ATP2A1: variants seen among roughly 807,000 people sequenced by gnomAD.
The protein encoded by ATP2A1 is sarcoplasmic/endoplasmic reticulum calcium ATPase 1.
In ATP2A1, 83 loss-of-function variants were observed where a neutral mutation model predicts 109.5. That is an observed-to-expected ratio of 0.76 (90% CI 0.63 to 0.91). The LOEUF is 0.91. Ranked by LOEUF, ATP2A1 falls within the 40% of genes least tolerant of loss-of-function variation. ATP2A1 has a pLI of 0.00. For synonymous variants in ATP2A1, 505 were observed against 537.6 expected (o/e 0.94, Z 0.84); for missense variants, 1,101 against 1,341.0 (o/e 0.82, Z 2.80).
Position 28,903,928 on chromosome 16 carries a change from C to A in ATP2A1, c.*37+187C>A. The A allele has an allele frequency of 1.3e-6, 1 of 751,510 alleles. No individual in the cohort carries two copies. The highest frequency in any genetic ancestry group is 2.5e-5 in the East Asian group (1 of 40,720). The allele number at this position is 751,510 out of a possible 1,614,324, so 46.6% of individuals were successfully genotyped here. A position where few individuals can be genotyped will look rare whatever the true frequency, so the allele number is the denominator to read the frequency against. On this transcript the variant is annotated intron_variant, in intron 22 of 22. Transcript: ENST00000395503. This position sits in a 1 kb window ranked among gnomAD's most constrained non-coding sequence, Gnocchi z 5.6. ...TCCCACTGGGCGTCAGTTTGGCTCC[C>A]AGGCCCTGGGCAGTGCCAGCCTCTG...
chr16:28,894,481 T>C, intron 10 of ATP2A1, 24 bp from the exon 11 acceptor site: 1 of 1,608,602 alleles, frequency 6.2e-7, no homozygotes, highest in Non-Finnish European at 8.5e-7. Flanking sequence ...TCTCTGTCCC[T>C]TCCTCCCCTG....
intron 9 of ATP2A1, among the ~76,000 whole-genome samples, chr16:28,890,292 C>CAAA (rs767608802): frequency 8.1e-5 from 6 of 74,362 alleles, no homozygotes; most frequent in South Asian, 4.2e-4. Context: ...CCGTCTCTAC[C>CAAA]AAAAAAAAAA....
Position 28,880,876 on chromosome 16 carries a change from G to T in ATP2A1, c.220-39G>T. On this transcript the variant is annotated intron_variant, in intron 3 of 22. Transcript: ENST00000395503. The surrounding 1 kb of genome is among the most constrained non-coding windows in gnomAD (Gnocchi z 4.2). ...ACTTCCTTTCTCCATCTGTTTTGGG[G>T]CCTCATTACCTGTCATTCTCCTTTC... 1.3e-6 allele frequency: 2 copies of T among 1,566,294 alleles called. No individual in the cohort carries two copies. Among genetic ancestry groups the T allele is most frequent in the Non-Finnish European group, 1.8e-6 (2 of 1,136,530 alleles).
In ATP2A1 at chr16:28,890,412, G is replaced by A. The variant is rs527649976; in HGVS notation, c.1095+1459G>A. Among the ~76,000 whole-genome samples the A allele has an allele frequency of 2.0e-5, 3 of 152,072 alleles. No individual in the cohort carries two copies. The East Asian group carries it at 5.8e-4, about 29-fold the overall frequency. On this transcript the variant is annotated intron_variant, in intron 9 of 22. Coordinates refer to ENST00000395503, the MANE Select transcript of ATP2A1 (RefSeq NM_004320.6). The stretch of plus-strand genomic sequence containing the variant: ...ACCCAGAGATTGCTTGAGCCAGGAA[G>A]TCAAAGCTACAGTGAGCTGTGATCA...
In ATP2A1 at chr16:28,887,630, T is replaced by C. The variant is rs1478194916; in HGVS notation, c.836T>C (p.Phe279Ser). ...GTCTGGCTTATCAACATTGGCCACT[T>C]CAACGACCCCGTCCATGGGGGCTCC... Reference protein sequence around the residue: ...VAVWLINIGHFNDPVHGGSWF... With the variant: ...VAVWLINIGHSNDPVHGGSWF... Residue 279 changes from phenylalanine to serine, a missense_variant, in exon 8 of 23, where the codon TTC becomes TCC. By Grantham distance (155) the Phe-to-Ser change is radical (BLOSUM62 -2). Coordinates refer to ENST00000395503, the MANE Select transcript of ATP2A1 (RefSeq NM_004320.6). 1 of 1,614,020 alleles carries C rather than the reference T, an allele frequency of 6.2e-7. No individual in the cohort carries two copies. Among genetic ancestry groups the C allele is most frequent in the Non-Finnish European group, 8.5e-7 (1 of 1,180,032 alleles).
At position 28,903,913 on chromosome 16, in the gene ATP2A1, C is replaced by A; in HGVS notation, c.*37+172C>A. ...GGTGGGCCGCTGGCCTCCCACTGGG[C>A]GTCAGTTTGGCTCCCAGGCCCTGGG... On this transcript the variant is annotated intron_variant, in intron 22 of 22. Coordinates refer to ENST00000395503, the MANE Select transcript of ATP2A1 (RefSeq NM_004320.6). This position sits in a 1 kb window ranked among gnomAD's most constrained non-coding sequence, Gnocchi z 5.6. The A allele has an allele frequency of 1.3e-6, 1 of 773,038 alleles. No individual in the cohort carries two copies. The highest frequency in any genetic ancestry group is 1.9e-5 in the Admixed American group (1 of 52,480). 47.9% of individuals were successfully genotyped at this position (773,038 alleles called of 1,614,324 possible). A position where few individuals can be genotyped will look rare whatever the true frequency, so the allele number is the denominator to read the frequency against.
In ATP2A1 at chr16:28,900,660, G is replaced by A. The variant is rs758544349; in HGVS notation, c.1844G>A (p.Arg615His). Reference sequence around the variant, plus strand: ...GTCACGGGCTCCATCCAGCTGTGCCGTGACGCCGGGATCCGGGTGATCATG... The same window carrying A: ...GTCACGGGCTCCATCCAGCTGTGCCATGACGCCGGGATCCGGGTGATCATG... The part of the protein sequence containing the change: ...KEVTGSIQLC[R>H]DAGIRVIMIT... The change falls in exon 15 of 23, where the codon CGT becomes CAT. Residue 615 changes from arginine (R) to histidine (H), a missense_variant. By Grantham distance (29) the Arg-to-His change is conservative (BLOSUM62 0). Transcript: ENST00000395503. 9 of 1,609,568 alleles carry A rather than the reference G, an allele frequency of 5.6e-6. No homozygotes were observed. The highest frequency in any genetic ancestry group is 3.3e-5 in the South Asian group (3 of 90,822).
Position 28,890,426 on chromosome 16 carries a change from G to A in ATP2A1, c.1095+1473G>A, listed in dbSNP as rs933115027. Among the ~76,000 whole-genome samples, 4 of 151,976 alleles carry A rather than the reference G, an allele frequency of 2.6e-5. No homozygotes were observed. The East Asian group carries it at 7.8e-4, about 29-fold the overall frequency. ...TGAGCCAGGAAGTCAAAGCTACAGT[G>A]AGCTGTGATCACACCACTGCACTCC... is the stretch of plus-strand genomic sequence containing the variant. On this transcript the variant is annotated intron_variant, in intron 9 of 22. Transcript: ENST00000395503.
intron 15 of ATP2A1, among the ~76,000 whole-genome samples, chr16:28,901,315 T>A (rs1596685902): frequency 2.4e-5 from 3 of 124,442 alleles, no homozygotes; most frequent in African/African-American, 9.5e-5. Context: ...GGCAATAGAG[T>A]GAGACCCTGT....
chr16:28,900,115 C>T (rs1964029734), intron 14 of ATP2A1, among the ~76,000 whole-genome samples: 1 of 151,384 alleles, frequency 6.6e-6, no homozygotes, highest in African/African-American at 2.4e-5. Context: ...GGCAACATAG[C>T]AAGATCCTTT....
chr16:28,885,603 A>C (rs988777766), intron 6 of ATP2A1, among the ~76,000 whole-genome samples: 7 of 151,748 alleles, frequency 4.6e-5, no homozygotes, highest in Non-Finnish European at 1.0e-4. Context: ...CAGCCTCCCA[A>C]AGTGCTGGGA....
In ATP2A1 at chr16:28,903,783, T is replaced by A; in HGVS notation, c.*37+42T>A. On this transcript the variant is annotated intron_variant, in intron 22 of 22. Transcript: ENST00000395503. This position sits in a 1 kb window ranked among gnomAD's most constrained non-coding sequence, Gnocchi z 5.6. ...GCCCTCAGCCCAGCTGCTGTGCCCC[T>A]GCCACCCGCGCCCCCTCAGCCCCTT... is the stretch of plus-strand genomic sequence containing the variant. The A allele has an allele frequency of 6.3e-7, 1 of 1,577,032 alleles. No homozygotes were observed.
In ATP2A1 at chr16:28,902,629, C is replaced by T. The variant is rs368234110; in HGVS notation, c.2574C>T (p.Tyr858=). 86 of 1,613,946 alleles carry T rather than the reference C, an allele frequency of 5.3e-5. No individual in the cohort carries two copies. Among genetic ancestry groups the T allele is most frequent in the East Asian group, 6.7e-5 (3 of 44,876 alleles). ...TVGAAAWWFL[Y]AEDGPHVNYS... is the part of the protein sequence containing the mutation. ...GAGCAGCTGCCTGGTGGTTCCTGTA[C>T]GCTGAGGATGGGCCTCATGTCAACT... The change falls in exon 18 of 23, where the codon TAC becomes TAT. Residue 858 remains tyrosine, a synonymous_variant. Coordinates refer to ENST00000395503, the MANE Select transcript of ATP2A1 (RefSeq NM_004320.6). The surrounding 1 kb of genome is among the most constrained non-coding windows in gnomAD (Gnocchi z 4.8).
At chr16:28,893,571 T>C (rs757972256) in intron 9 of ATP2A1, among the ~76,000 whole-genome samples, 1 of 152,008 alleles carries the variant, frequency 6.6e-6, no homozygotes, top group African/African-American at 2.4e-5. Flanking sequence ...CATACCTTAT[T>C]GTGTTCCATC....
intron 12 of ATP2A1, among the ~76,000 whole-genome samples, chr16:28,895,402 A>C (rs1388792281): frequency 6.6e-6 from 1 of 152,200 alleles, no homozygotes; most frequent in Non-Finnish European, 1.5e-5. Context: ...TGTCACTCCC[A>C]GTTATTGCTA....
At chr16:28,889,413 C>A (rs909882330) in intron 9 of ATP2A1, among the ~76,000 whole-genome samples, 2 of 152,018 alleles carry the variant, frequency 1.3e-5, no homozygotes, top group Non-Finnish European at 2.9e-5. Context: ...CCTGCCACCA[C>A]GCCTGGCTAA....
Position 28,880,908 on chromosome 16 carries a change from T to C in ATP2A1, c.220-7T>C. 6.2e-7 allele frequency: 1 copy of C among 1,613,084 alleles called. No homozygotes were observed. The highest frequency in any genetic ancestry group is 1.6e-4 in the Middle Eastern group (1 of 6,062). ...TACCTGTCATTCTCCTTTCCCCTGCTCCCCAGGTGCTGGCCTGGTTTGAGG... is the reference window on the plus strand; with the variant it reads ...TACCTGTCATTCTCCTTTCCCCTGCCCCCCAGGTGCTGGCCTGGTTTGAGG... On this transcript the variant is annotated splice_polypyrimidine_tract_variant and splice_region_variant and intron_variant, in intron 3 of 22. Coordinates refer to ENST00000395503, the MANE Select transcript of ATP2A1 (RefSeq NM_004320.6). This position sits in a 1 kb window ranked among gnomAD's most constrained non-coding sequence, Gnocchi z 4.2.
At position 28,903,919 on chromosome 16, in the gene ATP2A1, T is replaced by A; in HGVS notation, c.*37+178T>A. On this transcript the variant is annotated intron_variant, in intron 22 of 22. Coordinates refer to ENST00000395503, the MANE Select transcript of ATP2A1 (RefSeq NM_004320.6). The surrounding 1 kb of genome is among the most constrained non-coding windows in gnomAD (Gnocchi z 5.6). The stretch of plus-strand genomic sequence containing the variant: ...CCGCTGGCCTCCCACTGGGCGTCAG[T>A]TTGGCTCCCAGGCCCTGGGCAGTGC... 1 of 763,888 alleles carries A rather than the reference T, an allele frequency of 1.3e-6. No individual in the cohort carries two copies. Among genetic ancestry groups the A allele is most frequent in the Non-Finnish European group, 2.3e-6 (1 of 441,712 alleles). 47.3% of individuals were successfully genotyped at this position (763,888 alleles called of 1,614,324 possible).
chr16:28,887,805 C>G (rs1163002116), intron 8 of ATP2A1, 83 bp downstream of exon 8: 8 of 1,547,758 alleles, frequency 5.2e-6, no homozygotes, highest in Admixed American at 1.7e-5. Context: ...TTCTTTTTTT[C>G]TTTTTTGTTT....
Sources: gnomAD v4.1 joint callset for allele counts (sites outside exome capture counted in the v4.1 genomes callset) on GRCh38, gnomAD v4.1.1 for gene constraint, Gnocchi (gnomAD v3.1) non-coding constraint, MANE v1.5 for transcripts, NCBI Gene and HGNC (gene_info 2026-07-23, HGNC 2026-07-21) for gene names.